The following FGFR2 variants were observed in gnomAD, a reference collection of about 807,000 sequenced individuals.
FGFR2 encodes the protein fibroblast growth factor receptor 2, also known as BEK fibroblast growth factor receptor.
In FGFR2, 19 loss-of-function variants were observed where a neutral mutation model predicts 95.9. That is an observed-to-expected ratio of 0.20 (90% confidence interval 0.14 to 0.29). The LOEUF (loss-of-function observed/expected upper bound fraction) is 0.29. FGFR2 is among the 10% of genes least tolerant of loss of function. The pLI is 1.00. For synonymous variants in FGFR2, 392 were observed against 393.3 expected (o/e 1.00, Z 0.04); for missense variants, 707 against 1,056.9 (o/e 0.67, Z 4.59).
intron 17 of FGFR2, chr10:121,482,151 T>A (rs762713784): frequency 6.2e-7 from 1 of 1,612,412 alleles, no homozygotes; most frequent in Non-Finnish European, 8.5e-7. Flanking sequence ...TTTCCCAGTT[T>A]CTCAATGAAG....
rs991906948 is a variant in FGFR2, at chr10:121,531,979, T to C, written c.748+6613A>G. On this transcript the variant is annotated intron_variant, in intron 6 of 17. Transcript: ENST00000358487. This position sits in a 1 kb window ranked among gnomAD's most constrained non-coding sequence, Gnocchi z 4.5. ...TAGAAAGGCTGTCGCTGTGACCCATTACCTGGCACGCCACCCCAATCCCTT... is the reference window on the plus strand; with the variant it reads ...TAGAAAGGCTGTCGCTGTGACCCATCACCTGGCACGCCACCCCAATCCCTT... 2.0e-4 allele frequency among the ~76,000 whole-genome samples: 31 copies of C among 151,574 alleles called. No homozygotes were observed. The highest frequency in any genetic ancestry group is 7.3e-4 in the African/African-American group (30 of 40,910).
intron 4 of FGFR2, among the ~76,000 whole-genome samples, chr10:121,552,757 C>T (rs1855578629): frequency 6.6e-6 from 1 of 152,218 alleles, no homozygotes; most frequent in South Asian, 2.1e-4. Context: ...ATGTTTCTGT[C>T]TTAGCAAAGT....
chr10:121,484,950 C>T (rs573390171), intron 16 of FGFR2, among the ~76,000 whole-genome samples: 1 of 152,018 alleles, frequency 6.6e-6, no homozygotes, highest in Non-Finnish European at 1.5e-5. Context: ...TGGGGCCAGG[C>T]GGGGGCCAGG....
At chr10:121,506,129 G>A (rs1348629420) in intron 9 of FGFR2, among the ~76,000 whole-genome samples, 1 of 151,972 alleles carries the variant, frequency 6.6e-6, no homozygotes, top group East Asian at 1.9e-4. Flanking sequence ...GGAGGAAGTG[G>A]GCAGATCACT....
intron 12 of FGFR2, among the ~76,000 whole-genome samples, chr10:121,497,180 C>G (rs1323700775): frequency 6.8e-6 from 1 of 147,182 alleles, no homozygotes; most frequent in East Asian, 2.0e-4. Context: ...TTTTAACATA[C>G]AGAAAAGCAC....
At chr10:121,570,330 T>C (rs936744135) in intron 2 of FGFR2, among the ~76,000 whole-genome samples, 1 of 152,234 alleles carries the variant, frequency 6.6e-6, no homozygotes, top group African/African-American at 2.4e-5. Context: ...ACAGTTGTAC[T>C]GACCTGGCCC....
intron 2 of FGFR2, among the ~76,000 whole-genome samples, chr10:121,579,823 G>A (rs1354272747): frequency 6.6e-6 from 1 of 152,124 alleles, no homozygotes; most frequent in African/African-American, 2.4e-5. Context: ...AAGGGCCTGC[G>A]TTACTGCGAG....
intron 5 of FGFR2, among the ~76,000 whole-genome samples, chr10:121,550,629 T>G (rs1418681830): frequency 6.6e-6 from 1 of 152,186 alleles, no homozygotes; most frequent in Non-Finnish European, 1.5e-5. Flanking sequence ...TCACTATTCA[T>G]GCAATCCTGC....
intron 17 of FGFR2, among the ~76,000 whole-genome samples, chr10:121,483,119 G>A (rs1311671820): frequency 6.6e-6 from 1 of 152,102 alleles, no homozygotes; most frequent in Admixed American, 6.5e-5. Context: ...TTTAACAAAA[G>A]GTACATGTTT....
At chr10:121,482,344 T>C (rs550200551) in intron 17 of FGFR2, among the ~76,000 whole-genome samples, 2 of 152,278 alleles carry the variant, frequency 1.3e-5, no homozygotes, top group Admixed American at 6.5e-5. Flanking sequence ...TTAAGTGCAA[T>C]CTCTTCCTTT....
At chr10:121,516,827 C>A in intron 8 of FGFR2, among the ~76,000 whole-genome samples, 1 of 152,186 alleles carries the variant, frequency 6.6e-6, no homozygotes, top group East Asian at 1.9e-4. Flanking sequence ...CCAAGGTAGG[C>A]AACACACTGC....
intron 2 of FGFR2, among the ~76,000 whole-genome samples, chr10:121,585,758 T>C (rs1861727351): frequency 6.6e-6 from 1 of 152,252 alleles, no homozygotes; most frequent in Non-Finnish European, 1.5e-5. Context: ...AAGATTCTTG[T>C]TCTTTTAAAA....
At chr10:121,539,593 G>C (rs1378071483) in intron 5 of FGFR2, among the ~76,000 whole-genome samples, 2 of 152,178 alleles carry the variant, frequency 1.3e-5, no homozygotes, top group African/African-American at 4.8e-5. Flanking sequence ...TGTATCTTCA[G>C]GGTTTGAGGC....
At chr10:121,563,069 G>A (rs1170183801) in intron 4 of FGFR2, among the ~76,000 whole-genome samples, 1 of 152,036 alleles carries the variant, frequency 6.6e-6, no homozygotes, top group Admixed American at 6.6e-5. Flanking sequence ...GTAAAACCCT[G>A]TCTCTACTAA....
rs778261181 is a variant in FGFR2 at position 121,479,563 on chromosome 10, G to A, written c.*294C>T. ...ACAAAATTAACAAGGAAGGCAGAAC[G>A]CACGTCCACCTTGAGTCCTACTGGT... On this transcript the variant is annotated 3_prime_UTR_variant, in exon 18 of 18. Transcript: ENST00000358487. 5.9e-6 allele frequency: 9 copies of A among 1,530,804 alleles called. No homozygotes were observed. The highest frequency in any genetic ancestry group is 2.5e-5 in the East Asian group (1 of 40,672). 94.8% of individuals were successfully genotyped at this position (1,530,804 alleles called of 1,614,324 possible). A position where few individuals can be genotyped will look rare whatever the true frequency, so the allele number is the denominator to read the frequency against.
At chr10:121,565,952 C>G (rs1857610651) in intron 2 of FGFR2, 3 of 577,212 alleles carry the variant, frequency 5.2e-6, no homozygotes, top group Admixed American at 6.0e-5. Flanking sequence ...GCTTTAGAAA[C>G]AAACCAAACC....
chr10:121,503,712 T>TA, intron 10 of FGFR2, 78 bp downstream of exon 10: 1 of 1,552,312 alleles, frequency 6.4e-7, no homozygotes, highest in South Asian at 1.1e-5. Flanking sequence ...CTAAGGGTCA[T>TA]AAAAAGAAAA....
chr10:121,510,171 T>C (rs1387601578), intron 9 of FGFR2, among the ~76,000 whole-genome samples: 2 of 152,208 alleles, frequency 1.3e-5, no homozygotes, highest in Non-Finnish European at 2.9e-5. Flanking sequence ...GGCAAGGCAG[T>C]TCATCAGACA....
At chr10:121,480,225 C>T (rs1844500220) in intron 17 of FGFR2, 1 of 701,748 alleles carries the variant, frequency 1.4e-6, no homozygotes, top group Non-Finnish European at 2.6e-6. Flanking sequence ...ACCCAGCCCA[C>T]CTGACTTCCA....
Sources: gnomAD v4.1 joint callset for allele counts (sites outside exome capture counted in the v4.1 genomes callset) on GRCh38, gnomAD v4.1.1 for gene constraint, Gnocchi (gnomAD v3.1) non-coding constraint, MANE v1.5 for transcripts, NCBI Gene and HGNC (gene_info 2026-07-23, HGNC 2026-07-21) for gene names.